MRPL2: variants seen among roughly 807,000 people sequenced by gnomAD.
MRPL2 encodes large ribosomal subunit protein uL2m.
Under a neutral mutation model 34.6 loss-of-function variants are expected in MRPL2, and 27 were observed. That is an observed-to-expected ratio of 0.78 (90% confidence interval 0.58 to 1.08). MRPL2 has a LOEUF of 1.08. Among genes scored for constraint, MRPL2 ranks in the 50% least tolerant of loss-of-function variants. The pLI is 0.00. For missense variants in MRPL2, 414 were observed against 419.3 expected, an observed-to-expected ratio of 0.99 and a Z score of 0.11; for synonymous variants, 155 against 158.0, an observed-to-expected ratio of 0.98 and a Z score of 0.14.
intron 1 of MRPL2, 72 bp from the exon 2 acceptor site, chr6:43,058,305 G>A: frequency 2.0e-6 from 3 of 1,483,394 alleles, no homozygotes; most frequent in Middle Eastern, 3.6e-4. Flanking sequence ...CAAGGCAGAG[G>A]GCACAGATCA....
chr6:43,056,412 T>C lies in MRPL2; in HGVS notation c.299A>G (p.His100Arg). 1 of 1,613,874 alleles carries C rather than the reference T, an allele frequency of 6.2e-7. No homozygotes were observed. Among genetic ancestry groups the C allele is most frequent in the African/African-American group, 1.3e-5 (1 of 75,002 alleles). ...GTCAATCATTCGATAACGTTGCTTG[T>C]GGCCCCCGCCAATACCATGCACCCG... ...RIRVHGIGGG[H>R]KQRYRMIDFL... Residue 100 changes from histidine to arginine, a missense_variant, in exon 3 of 7, where the codon CAC becomes CGC. Coordinates refer to ENST00000388752, the MANE Select transcript of MRPL2 (RefSeq NM_015950.5).
intron 6 of MRPL2, among the ~76,000 whole-genome samples, chr6:43,055,246 C>T (rs753145025): frequency 1.3e-4 from 20 of 152,100 alleles, no homozygotes; most frequent in Non-Finnish European, 2.2e-4. Flanking sequence ...CCTGCAATCC[C>T]AGCTACTCGG....
At chr6:43,055,705 T>C in intron 5 of MRPL2, 87 bp from the exon 6 acceptor site, 1 of 1,499,752 alleles carries the variant, frequency 6.7e-7, no homozygotes, top group South Asian at 1.2e-5. Flanking sequence ...CATGCTGCCC[T>C]TGCTTTGCTC....
At chr6:43,059,166 C>A in intron 1 of MRPL2, 120 bp downstream of exon 1, 1 of 1,550,318 alleles carries the variant, frequency 6.5e-7, no homozygotes, top group Non-Finnish European at 8.7e-7. Context: ...TGTGCCTTAT[C>A]CAAGGTCACG....
intron 2 of MRPL2, 142 bp from the exon 3 acceptor site, chr6:43,056,587 TGGAGTAAG>T: frequency 1.1e-6 from 1 of 898,394 alleles, no homozygotes; most frequent in Non-Finnish European, 1.7e-6. Flanking sequence ...CACAGCACAC[TGGAGTAAG>T]GAGGGGCAAC....
At position 43,056,021 on chromosome 6, in the gene MRPL2, T is replaced by C. The variant is rs748056714; in HGVS notation, c.521-14A>G. The C allele has an allele frequency of 5.6e-6, 9 of 1,614,078 alleles. No homozygotes were observed. In the South Asian group the frequency reaches 9.9e-5, roughly 18 times the overall value. Reference sequence around the variant, plus strand: ...CCCGAGCAGCAACTAAAAGACAGGATTTCATTAGCTCTAGAACTTTTGCTG... The same window carrying C: ...CCCGAGCAGCAACTAAAAGACAGGACTTCATTAGCTCTAGAACTTTTGCTG... On this transcript the variant is annotated splice_polypyrimidine_tract_variant and intron_variant, in intron 4 of 6. Transcript: ENST00000388752.
Position 43,058,159 on chromosome 6 carries a change from C to G in MRPL2, c.171G>C (p.Val57=). ...AGGACACAAAGTTGGCATTAAGGGC[C>G]ACAGAAGTAAGAACTGGGCGGCAGG... ...LLPCRPVLTS[V]ALNANFVSWK... Residue 57 remains valine (V), a synonymous_variant, in exon 2 of 7, where the codon GTG becomes GTC. Coordinates refer to ENST00000388752, the MANE Select transcript of MRPL2 (RefSeq NM_015950.5). 6.2e-7 allele frequency: 1 copy of G among 1,614,164 alleles called. No individual in the cohort carries two copies. The highest frequency in any genetic ancestry group is 8.5e-7 in the Non-Finnish European group (1 of 1,180,044).
rs752804863 is a variant in MRPL2 at position 43,054,228 on chromosome 6, C to A, written c.*46G>T. ...AACACCCAAAACAAAACCACAGTAA[C>A]AGATTAAAACGGGGGGGGGGGGCAT... On this transcript the variant is annotated 3_prime_UTR_variant, in exon 7 of 7. Coordinates refer to ENST00000388752, the MANE Select transcript of MRPL2 (RefSeq NM_015950.5). The A allele has an allele frequency of 1.2e-5, 15 of 1,231,590 alleles. No individual in the cohort carries two copies. In the African/African-American group the frequency reaches 1.9e-4, roughly 16 times the overall value. 76.3% of individuals were successfully genotyped at this position (1,231,590 alleles called of 1,614,324 possible).
intron 2 of MRPL2, among the ~76,000 whole-genome samples, chr6:43,056,939 C>T (rs1271030871): frequency 6.6e-6 from 1 of 152,194 alleles, no homozygotes; most frequent in Non-Finnish European, 1.5e-5. Context: ...TCCCAAAGTG[C>T]TGGGATTACA....
chr6:43,058,674 A>G (rs938849556), intron 1 of MRPL2, among the ~76,000 whole-genome samples: 3 of 152,176 alleles, frequency 2.0e-5, no homozygotes, highest in Non-Finnish European at 4.4e-5. Flanking sequence ...GCATCTCCCA[A>G]ACTGTACCAT....
rs761268728 is a variant in MRPL2 at position 43,058,283 on chromosome 6, G to C, written c.97-50C>G. 14 of 1,589,390 alleles carry C rather than the reference G, an allele frequency of 8.8e-6. 1 individual carries two copies. The highest frequency in any genetic ancestry group is 1.7e-4 in the Middle Eastern group (1 of 5,986). ...CATTTGAAAGCTAATTGAAGGCAAAGCATCAGAGAACCAAGGCAGAGGGCA... is the reference window on the plus strand; with the variant it reads ...CATTTGAAAGCTAATTGAAGGCAAACCATCAGAGAACCAAGGCAGAGGGCA... On this transcript the variant is annotated intron_variant, in intron 1 of 6. Transcript: ENST00000388752.
At chr6:43,055,656 A>T in intron 5 of MRPL2, 38 bp from the exon 6 acceptor site, 1 of 1,608,686 alleles carries the variant, frequency 6.2e-7, no homozygotes, top group Non-Finnish European at 8.5e-7. Flanking sequence ...TCCACAAAAC[A>T]GGGGGGTGCA....
At chr6:43,057,311 G>A (rs1354042994) in intron 2 of MRPL2, among the ~76,000 whole-genome samples, 4 of 151,924 alleles carry the variant, frequency 2.6e-5, no homozygotes, top group Non-Finnish European at 5.9e-5. Flanking sequence ...CTCCTGAGTA[G>A]CTGGGATTAC....
At chr6:43,057,273 T>C (rs1034698588) in intron 2 of MRPL2, among the ~76,000 whole-genome samples, 3 of 151,420 alleles carry the variant, frequency 2.0e-5, no homozygotes, top group African/African-American at 7.3e-5. Context: ...CTCCACCTCC[T>C]GGGTTCAAGC....
chr6:43,056,166 G>T lies in MRPL2; in HGVS notation c.435C>A (p.Gly145=). The T allele has an allele frequency of 6.2e-7, 1 of 1,614,134 alleles. No individual in the cohort carries two copies. The highest frequency in any genetic ancestry group is 8.5e-7 in the Non-Finnish European group (1 of 1,180,020). The change falls in exon 4 of 7, where the codon GGC becomes GGA. Residue 145 remains glycine, a synonymous_variant. Coordinates refer to ENST00000388752, the MANE Select transcript of MRPL2 (RefSeq NM_015950.5). ...RSADIALVAG[G]SRKRWIIATE... is the part of the protein sequence containing the mutation. ...TGGCGATGATCCAGCGTTTCCGGCT[G>T]CCCCCAGCAACCAGAGCTATGTCTG...
Position 43,056,116 on chromosome 6 carries a change from G to T in MRPL2, c.485C>A (p.Thr162Lys). 1 of 1,614,182 alleles carries T rather than the reference G, an allele frequency of 6.2e-7. No homozygotes were observed. Among genetic ancestry groups the T allele is most frequent in the East Asian group, 2.2e-5 (1 of 44,884 alleles). The change falls in exon 4 of 7, where the codon ACA becomes AAA. Residue 162 changes from threonine to lysine, a missense_variant. Physicochemically the swap from Thr to Lys is moderately conservative, Grantham distance 78. Coordinates refer to ENST00000388752, the MANE Select transcript of MRPL2 (RefSeq NM_015950.5). Reference protein sequence around the residue: ...IATENMQAGDTILNSNHIGRM... With the variant: ...IATENMQAGDKILNSNHIGRM... ...GCCTATGTGGTTAGAGTTCAAGATT[G>T]TATCTCCAGCCTGCATGTTTTCTGT... is the stretch of plus-strand genomic sequence containing the variant.
intron 6 of MRPL2, 35 bp from the exon 7 acceptor site, chr6:43,054,521 G>A (rs1232884583): frequency 1.3e-5 from 20 of 1,566,918 alleles, no homozygotes; most frequent in Non-Finnish European, 1.7e-5. Context: ...TCTGTACAAT[G>A]GGGGGGAAAG....
rs1405403961 is a variant in MRPL2 at position 43,056,183 on chromosome 6, C to A, written c.418G>T (p.Ala140Ser). The change falls in exon 4 of 7, where the codon GCT becomes TCT. Residue 140 changes from alanine to serine, a missense_variant. Physicochemically the swap from Ala to Ser is moderately conservative, Grantham distance 99. Transcript: ENST00000388752. Reference sequence around the variant, plus strand: ...TTCCGGCTGCCCCCAGCAACCAGAGCTATGTCTGCTGACCTAATCAGGGTG... The same window carrying A: ...TTCCGGCTGCCCCCAGCAACCAGAGATATGTCTGCTGACCTAATCAGGGTG... ...RYDPCRSADIALVAGGSRKRW... is the reference protein window; with the variant it reads ...RYDPCRSADISLVAGGSRKRW... The A allele has an allele frequency of 1.9e-6, 3 of 1,614,040 alleles. No individual in the cohort carries two copies. Among genetic ancestry groups the A allele is most frequent in the African/African-American group, 1.3e-5 (1 of 74,934 alleles).
chr6:43,055,788 T>C (rs1561904921), intron 5 of MRPL2, 109 bp downstream of exon 5: 1 of 1,257,256 alleles, frequency 8.0e-7, no homozygotes, highest in Non-Finnish European at 1.1e-6. Context: ...TTCATCCTCA[T>C]GTTTGTTTTT....
Sources: allele counts gnomAD v4.1 joint callset (sites outside exome capture counted in the v4.1 genomes callset), GRCh38; gene constraint gnomAD v4.1.1; transcripts MANE v1.5; gene names NCBI Gene and HGNC (gene_info 2026-07-23, HGNC 2026-07-21).